The following NKAIN3 variants were observed in gnomAD, a reference collection of about 807,000 sequenced individuals.
The protein encoded by NKAIN3 is sodium/potassium transporting ATPase interacting 3.
A neutral mutation model predicts 30.2 loss-of-function variants in NKAIN3; 25 were observed. That is an observed-to-expected ratio of 0.83 (90% CI 0.60 to 1.16). NKAIN3 has a LOEUF of 1.16. NKAIN3 is among the 50% of genes most tolerant of loss of function. NKAIN3 has a pLI of 0.00. For missense variants in NKAIN3, 225 were observed against 254.1 expected (o/e 0.89, Z 0.78); for synonymous variants, 91 against 89.6 (o/e 1.02, Z -0.09).
intron 1 of NKAIN3, among the ~76,000 whole-genome samples, chr8:62,403,904 A>G (rs1304516487): frequency 1.3e-5 from 2 of 152,202 alleles, no homozygotes; most frequent in African/African-American, 2.4e-5. Flanking sequence ...CAGACACTCA[A>G]TGCCAGCCCA....
chr8:62,782,825 G>T (rs1313628851), intron 4 of NKAIN3, among the ~76,000 whole-genome samples: 3 of 150,186 alleles, frequency 2.0e-5, no homozygotes, highest in Non-Finnish European at 4.4e-5. Context: ...AAAAGAAGTT[G>T]GCTAATGGGT....
At position 62,384,583 on chromosome 8, in the gene NKAIN3, T is replaced by C. The variant is rs180942321; in HGVS notation, c.54+135456T>C. Reference sequence around the variant, plus strand: ...TCTCAAAAATAATTTTAAATAAATTTATTGGAAAAAATATGCATGTAGGAG... The same window carrying C: ...TCTCAAAAATAATTTTAAATAAATTCATTGGAAAAAATATGCATGTAGGAG... On this transcript the variant is annotated intron_variant, in intron 1 of 6. Coordinates refer to ENST00000623646, the MANE Select transcript of NKAIN3 (RefSeq NM_001304533.3). 2.2e-3 allele frequency among the ~76,000 whole-genome samples: 336 copies of C among 152,300 alleles called. 1 individual carries two copies. Among genetic ancestry groups the C allele is most frequent in the African/African-American group, 7.6e-3 (318 of 41,570 alleles).
chr8:62,762,103 G>T (rs1816685680), intron 4 of NKAIN3, among the ~76,000 whole-genome samples: 1 of 152,034 alleles, frequency 6.6e-6, no homozygotes, highest in Non-Finnish European at 1.5e-5. Flanking sequence ...ATCACCTGAG[G>T]TCAGGAGTTC....
intron 1 of NKAIN3, among the ~76,000 whole-genome samples, chr8:62,556,612 G>A (rs953577785): frequency 6.6e-6 from 1 of 151,614 alleles, no homozygotes. Flanking sequence ...ATGAAAAAGT[G>A]GTATTAATCA....
At chr8:62,423,664 T>C (rs542251384) in intron 1 of NKAIN3, among the ~76,000 whole-genome samples, 35 of 151,928 alleles carry the variant, frequency 2.3e-4, no homozygotes, top group Non-Finnish European at 4.9e-4. Flanking sequence ...ATTAAGATTA[T>C]TTTTCAGCTG....
chr8:62,929,940 A>G (rs538117522), intron 5 of NKAIN3, among the ~76,000 whole-genome samples: 2 of 152,302 alleles, frequency 1.3e-5, no homozygotes, highest in African/African-American at 4.8e-5. Context: ...CAGGGAAGCC[A>G]AAAAATTAGA....
intron 2 of NKAIN3, among the ~76,000 whole-genome samples, chr8:62,587,810 A>G (rs1443706774): frequency 5.3e-5 from 8 of 152,022 alleles, no homozygotes; most frequent in Admixed American, 4.6e-4. Flanking sequence ...TGAGGTTTAC[A>G]TAGCCTGGTA....
At chr8:62,702,117 C>T (rs911711655) in intron 3 of NKAIN3, among the ~76,000 whole-genome samples, 4 of 152,196 alleles carry the variant, frequency 2.6e-5, no homozygotes, top group Non-Finnish European at 5.9e-5. Flanking sequence ...ACAGTGTCTT[C>T]ACACTTGACC....
At chr8:62,742,513 A>G (rs923316600) in intron 3 of NKAIN3, among the ~76,000 whole-genome samples, 2 of 152,148 alleles carry the variant, frequency 1.3e-5, no homozygotes, top group Admixed American at 1.3e-4. Flanking sequence ...GCCAAAGTGG[A>G]ACATTTTGGG....
At chr8:62,965,218 T>G (rs1255954142) in intron 6 of NKAIN3, 136 bp from the exon 7 acceptor site, 1 of 818,410 alleles carries the variant, frequency 1.2e-6, no homozygotes, top group African/African-American at 1.9e-5. Context: ...AGTCTTTAAC[T>G]TTCTTATTGC....
intron 1 of NKAIN3, among the ~76,000 whole-genome samples, chr8:62,252,400 T>A (rs1410131790): frequency 1.3e-5 from 2 of 152,188 alleles, no homozygotes; most frequent in Non-Finnish European, 2.9e-5. Flanking sequence ...CTGTCTGGAG[T>A]GGGAAAATAA....
intron 1 of NKAIN3, among the ~76,000 whole-genome samples, chr8:62,280,859 G>A (rs549303332): frequency 1.1e-4 from 16 of 152,134 alleles, no homozygotes; most frequent in African/African-American, 3.1e-4. Flanking sequence ...CCTCTGCCAG[G>A]CTTTGGTATC....
exon 6 of NKAIN3, chr8:62,999,563 T>C (rs1804207081): frequency 6.6e-6 from 1 of 152,226 alleles, no homozygotes; most frequent in Non-Finnish European, 1.5e-5. Context: ...GGTTTGCAGA[T>C]ATTTTCTTCC....
At chr8:62,948,819 T>C (rs1002688764) in intron 5 of NKAIN3, among the ~76,000 whole-genome samples, 2 of 152,212 alleles carry the variant, frequency 1.3e-5, no homozygotes, top group African/African-American at 4.8e-5. Context: ...AACCTCTCTT[T>C]CTTCATCTAA....
intron 1 of NKAIN3, among the ~76,000 whole-genome samples, chr8:62,577,553 T>A (rs2130050130): frequency 7.3e-6 from 1 of 136,088 alleles, no homozygotes; most frequent in East Asian, 2.1e-4. Flanking sequence ...TTTTTTTTTT[T>A]AGTATTTTAG....
At chr8:62,331,663 A>C (rs918877795) in intron 1 of NKAIN3, among the ~76,000 whole-genome samples, 1 of 152,082 alleles carries the variant, frequency 6.6e-6, no homozygotes, top group Non-Finnish European at 1.5e-5. Context: ...GGTATAGGAA[A>C]ATTTTTGATT....
chr8:62,997,039 C>G (rs1804133314), intron 5 of NKAIN3, among the ~76,000 whole-genome samples: 1 of 152,158 alleles, frequency 6.6e-6, no homozygotes. Context: ...AGGTAGTGCC[C>G]CAGTGAGGAC....
intron 5 of NKAIN3, among the ~76,000 whole-genome samples, chr8:62,994,205 C>G (rs1017054506): frequency 5.9e-5 from 9 of 152,180 alleles, no homozygotes; most frequent in African/African-American, 2.2e-4. Context: ...AGATTAGAAA[C>G]AACCCAAATG....
chr8:62,451,904 T>G (rs1255744357), intron 1 of NKAIN3, among the ~76,000 whole-genome samples: 1 of 152,216 alleles, frequency 6.6e-6, no homozygotes, highest in Non-Finnish European at 1.5e-5. Context: ...CATGAAAGAT[T>G]CCACAGCTGC....
Sources: allele counts gnomAD v4.1 joint callset (sites outside exome capture counted in the v4.1 genomes callset), GRCh38; gene constraint gnomAD v4.1.1; transcripts MANE v1.5; gene names NCBI Gene and HGNC (gene_info 2026-07-23, HGNC 2026-07-21).